USH2A: variants seen among roughly 807,000 people sequenced by gnomAD.
The protein encoded by USH2A is Usher syndrome 2A (autosomal recessive, mild).
Under a neutral mutation model 538.9 loss-of-function variants are expected in USH2A, and 443 were observed. That is an observed-to-expected ratio of 0.82 (90% CI 0.76 to 0.89). The LOEUF is 0.89. USH2A is among the 40% of genes least tolerant of loss of function. USH2A has a pLI of 0.00. For synonymous variants in USH2A, 2,413 were observed against 2,273.5 expected, an observed-to-expected ratio of 1.06 and a Z score of -1.75; for missense variants, 6,633 against 6,324.8, an observed-to-expected ratio of 1.05 and a Z score of -1.65.
rs867309717 is a variant in USH2A at position 215,998,987 on chromosome 1, T to A, written c.6557A>T (p.Asp2186Val). The A allele has an allele frequency of 6.2e-7, 1 of 1,612,794 alleles. No homozygotes were observed. Among genetic ancestry groups the A allele is most frequent in the Admixed American group, 1.7e-5 (1 of 59,936 alleles). ...YVLYMSNHTH[D>V]FTIWSVIYNS... ...ATAGATGACACTCCAAATTGTAAAA[T>A]CATGTGTATGGTTTGACATATATAA... is the stretch of plus-strand genomic sequence containing the variant. The change falls in exon 34 of 72, where the codon GAT (aspartate) becomes GTT (valine). Residue 2186 changes from aspartate to valine, a missense_variant. Asp to Val is a radical substitution (Grantham distance 152). Transcript: ENST00000307340.
intron 11 of USH2A, among the ~76,000 whole-genome samples, chr1:216,269,280 T>G (rs916415405): frequency 3.3e-5 from 5 of 152,036 alleles, no homozygotes; most frequent in African/African-American, 9.7e-5. Context: ...TCTCACGAGA[T>G]CTGATGGTTT....
At chr1:215,842,470 A>C (rs1220132838) in intron 46 of USH2A, among the ~76,000 whole-genome samples, 1 of 152,240 alleles carries the variant, frequency 6.6e-6, no homozygotes, top group African/African-American at 2.4e-5. Context: ...ATATACCCAA[A>C]GAAATATAAA....
chr1:216,127,242 C>T (rs1003630236), intron 21 of USH2A, among the ~76,000 whole-genome samples: 11 of 152,154 alleles, frequency 7.2e-5, no homozygotes, highest in Non-Finnish European at 1.0e-4. Flanking sequence ...TTCTTCTTAA[C>T]GGCATTAGAA....
intron 16 of USH2A, among the ~76,000 whole-genome samples, chr1:216,202,183 G>A (rs2035015737): frequency 6.6e-6 from 1 of 152,206 alleles, no homozygotes; most frequent in Admixed American, 6.5e-5. Context: ...TATTCCAAAA[G>A]ATTGTCTGGC....
chr1:215,929,194 A>C (rs1666305223), intron 38 of USH2A, among the ~76,000 whole-genome samples: 1 of 152,068 alleles, frequency 6.6e-6, no homozygotes, highest in Admixed American at 6.6e-5. Context: ...AATAATAGAC[A>C]TTTTTTAAAA....
rs918372990 is a variant in USH2A at position 215,900,576 on chromosome 1, A to G, written c.7451+179T>C. On this transcript the variant is annotated intron_variant, in intron 39 of 71. Transcript: ENST00000307340. ...GAAGAAATCCTACTTTAAATGCTAC[A>G]TAAATGAAAAATAGATATTTTTGCA... 6 of 875,710 alleles carry G rather than the reference A, an allele frequency of 6.9e-6. No homozygotes were observed. In the Admixed American group the frequency reaches 7.7e-5, roughly 11 times the overall value. 54.2% of individuals were successfully genotyped at this position (875,710 alleles called of 1,614,324 possible). A position where few individuals can be genotyped will look rare whatever the true frequency, so the allele number is the denominator to read the frequency against.
At chr1:215,890,998 A>G (rs1197625234) in intron 40 of USH2A, among the ~76,000 whole-genome samples, 1 of 152,180 alleles carries the variant, frequency 6.6e-6, no homozygotes. Flanking sequence ...ATTATTCCTC[A>G]TATGTGAACT....
chr1:216,397,743 T>G (rs1439389618), intron 3 of USH2A, among the ~76,000 whole-genome samples: 1 of 152,238 alleles, frequency 6.6e-6, no homozygotes, highest in East Asian at 1.9e-4. Flanking sequence ...GGATGCACTG[T>G]CAGCTTCCCT....
At chr1:215,637,839 ACT>A (rs200849038) in intron 69 of USH2A, among the ~76,000 whole-genome samples, 3,234 of 152,114 alleles carry the variant, frequency 0.021, 96 homozygotes, top group African/African-American at 0.072. Flanking sequence ...TCAAAAAAAA[ACT>A]CTATACATGC....
chr1:216,197,062 C>T (rs2034865473), intron 18 of USH2A, among the ~76,000 whole-genome samples: 1 of 151,994 alleles, frequency 6.6e-6, no homozygotes, highest in Non-Finnish European at 1.5e-5. Context: ...AATAGAACAT[C>T]TCAGTTCAAA....
chr1:215,637,830 C>CA (rs933178921), intron 69 of USH2A, among the ~76,000 whole-genome samples: 64 of 147,510 alleles, frequency 4.3e-4, no homozygotes, highest in African/African-American at 8.2e-4. Context: ...GTTTATTTTT[C>CA]AAAAAAAAAC....
At position 215,675,359 on chromosome 1, in the gene USH2A, T is replaced by A; in HGVS notation, c.12552A>T (p.Lys4184Asn). 6.2e-7 allele frequency: 1 copy of A among 1,614,160 alleles called. No individual in the cohort carries two copies. Among genetic ancestry groups the A allele is most frequent in the Admixed American group, 1.7e-5 (1 of 60,016 alleles). ...SWSEPVNPNG[K>N]IIRYEVIRRC... ...TGCGAATCACTTCATAGCGAATTAT[T>A]TTTCCATTTGGGTTAACAGGCTCAG... Residue 4184 changes from lysine (K) to asparagine (N), a missense_variant, in exon 63 of 72, where the codon AAA (lysine) becomes AAT (asparagine). By Grantham distance (94) the Lys-to-Asn change is moderately conservative. Coordinates refer to ENST00000307340, the MANE Select transcript of USH2A (RefSeq NM_206933.4).
At chr1:215,666,707 G>C (rs984220827) in intron 64 of USH2A, among the ~76,000 whole-genome samples, 3 of 152,124 alleles carry the variant, frequency 2.0e-5, no homozygotes, top group Non-Finnish European at 4.4e-5. Context: ...TGAAAATAAG[G>C]CTTAAGTAGC....
intron 27 of USH2A, among the ~76,000 whole-genome samples, chr1:216,074,510 T>C (rs1292630522): frequency 6.6e-6 from 1 of 152,186 alleles, no homozygotes; most frequent in Non-Finnish European, 1.5e-5. Context: ...TCAGCATTCA[T>C]ATGATGTCTT....
At chr1:216,132,213 T>C (rs1307034442) in intron 21 of USH2A, among the ~76,000 whole-genome samples, 1 of 152,156 alleles carries the variant, frequency 6.6e-6, no homozygotes, top group African/African-American at 2.4e-5. Context: ...CTGGGAAGAC[T>C]GCTCTTTCAA....
intron 3 of USH2A, among the ~76,000 whole-genome samples, chr1:216,411,841 T>C (rs551035178): frequency 6.6e-6 from 1 of 152,284 alleles, no homozygotes; most frequent in South Asian, 2.1e-4. Context: ...GAATTAACTG[T>C]TGTGTTAAGC....
chr1:215,833,758 A>T (rs537313716), intron 47 of USH2A, among the ~76,000 whole-genome samples: 2 of 152,192 alleles, frequency 1.3e-5, no homozygotes, highest in African/African-American at 4.8e-5. Flanking sequence ...TTGAAAACAA[A>T]TCATAAGGTA....
intron 11 of USH2A, among the ~76,000 whole-genome samples, chr1:216,278,823 C>G (rs544215830): frequency 1.6e-4 from 25 of 152,240 alleles, no homozygotes; most frequent in Middle Eastern, 6.8e-3. Flanking sequence ...TGACAAATAC[C>G]TAATTCTGAA....
intron 21 of USH2A, among the ~76,000 whole-genome samples, chr1:216,106,762 T>C (rs2032746415): frequency 6.6e-6 from 1 of 151,906 alleles, no homozygotes; most frequent in Admixed American, 6.6e-5. Context: ...GCTTGGACTT[T>C]TTTCTTCTAA....
Sources: allele counts gnomAD v4.1 joint callset (sites outside exome capture counted in the v4.1 genomes callset), GRCh38; gene constraint gnomAD v4.1.1; transcripts MANE v1.5; gene names NCBI Gene and HGNC (gene_info 2026-07-23, HGNC 2026-07-21).